Variants in HIVEP1 observed in about 807,000 individuals in gnomAD.
HIVEP1 encodes the protein HIVEP zinc finger 1, also known as zinc finger protein 40.
A neutral mutation model predicts 180.0 loss-of-function variants in HIVEP1; 36 were observed. The observed-to-expected ratio is 0.20, with a 90% CI of 0.15 to 0.26. HIVEP1 has a LOEUF of 0.26. HIVEP1 is among the 10% of genes least tolerant of loss of function. HIVEP1 has a pLI of 1.00. For missense variants in HIVEP1, 3,143 were observed against 3,268.7 expected (o/e 0.96, Z 0.94); for synonymous variants, 1,239 against 1,239.0 (o/e 1.00, Z 0.00).
chr6:12,045,345 G>A (rs1024183496), intron 2 of HIVEP1, among the ~76,000 whole-genome samples: 7 of 152,192 alleles, frequency 4.6e-5, no homozygotes, highest in African/African-American at 9.6e-5. Context: ...CTTCTGATAC[G>A]TTAGATTCAC....
rs1212942298 is a variant in HIVEP1 at position 12,124,879 on chromosome 6, A to T, written c.5084A>T (p.Asn1695Ile). The change falls in exon 4 of 9, where the codon AAT becomes ATT. Residue 1695 changes from asparagine to isoleucine, a missense_variant. By Grantham distance (149) the Asn-to-Ile change is moderately radical. Around this residue, in one of 12 missense-constraint regions of HIVEP1, gnomAD observed 1,357 missense variants for 1,260.5 expected, o/e 1.08. Coordinates refer to ENST00000379388, the MANE Select transcript of HIVEP1 (RefSeq NM_002114.4). The part of the protein sequence containing the change: ...SVPTLQKGHQ[N>I]ALPNPEKEFL... ...CCAACATTACAAAAAGGTCATCAGA[A>T]TGCTTTGCCAAACCCAGAGAAGGAA... 1 of 1,614,218 alleles carries T rather than the reference A, an allele frequency of 6.2e-7. No homozygotes were observed. The highest frequency in any genetic ancestry group is 8.5e-7 in the Non-Finnish European group (1 of 1,180,040).
the HIVEP1 span, among the ~76,000 whole-genome samples, chr6:12,186,682 C>A: frequency 6.6e-6 from 1 of 152,104 alleles, no homozygotes; most frequent in African/African-American, 2.4e-5. Flanking sequence ...AAAATCCAAA[C>A]TCTCAGCAAC....
Position 12,123,705 on chromosome 6 carries a change from A to C in HIVEP1, c.3910A>C (p.Arg1304=). ...TESSFDSTLS[R]SLSRESSLSH... ...ATCGAGCTTTGATTCCACTCTCTCC[A>C]GGAGTCTAAGTAGGGAGAGCAGTTT... is the stretch of plus-strand genomic sequence containing the variant. Residue 1304 remains arginine, a synonymous_variant, in exon 4 of 9, where the codon AGG becomes CGG. Coordinates refer to ENST00000379388, the MANE Select transcript of HIVEP1 (RefSeq NM_002114.4). The C allele has an allele frequency of 6.2e-7, 1 of 1,614,026 alleles. No individual in the cohort carries two copies. The highest frequency in any genetic ancestry group is 8.5e-7 in the Non-Finnish European group (1 of 1,179,892).
intron 2 of HIVEP1, among the ~76,000 whole-genome samples, chr6:12,071,827 G>C (rs950766084): frequency 6.6e-6 from 1 of 152,118 alleles, no homozygotes; most frequent in Admixed American, 6.5e-5. Context: ...TTGGGCTTGA[G>C]GGCATTTTTA....
intron 7 of HIVEP1, among the ~76,000 whole-genome samples, chr6:12,148,625 C>T (rs765621320): frequency 6.6e-6 from 1 of 152,190 alleles, no homozygotes; most frequent in Non-Finnish European, 1.5e-5. Flanking sequence ...TCATGTTACA[C>T]AAACAGACTG....
intron 3 of HIVEP1, among the ~76,000 whole-genome samples, chr6:12,102,533 A>G (rs534223945): frequency 4.7e-4 from 71 of 152,314 alleles, no homozygotes; most frequent in African/African-American, 1.6e-3. Flanking sequence ...AATGACACCA[A>G]GGCTTTCCAG....
chr6:12,144,633 G>T (rs1181735541), intron 7 of HIVEP1, among the ~76,000 whole-genome samples: 1 of 152,070 alleles, frequency 6.6e-6, no homozygotes, highest in Admixed American at 6.5e-5. Flanking sequence ...ATCTGACAAA[G>T]GGCTAATATC....
At chr6:12,160,531 A>G (rs1039557140) in intron 7 of HIVEP1, among the ~76,000 whole-genome samples, 1 of 152,250 alleles carries the variant, frequency 6.6e-6, no homozygotes, top group Non-Finnish European at 1.5e-5. Flanking sequence ...TTGAGCCAGA[A>G]TAAGGACAGC....
chr6:12,167,686 AATAT>A (rs55760302), downstream of HIVEP1, among the ~76,000 whole-genome samples: 5 of 78,070 alleles, frequency 6.4e-5, no homozygotes, highest in East Asian at 2.5e-4. Context: ...ATATGTGTAT[AATAT>A]ATATACATAT....
intron 2 of HIVEP1, among the ~76,000 whole-genome samples, chr6:12,050,074 C>A (rs1000716108): frequency 2.6e-5 from 4 of 152,166 alleles, no homozygotes; most frequent in Admixed American, 1.3e-4. Flanking sequence ...CAGCTTTGTC[C>A]ATGACTCTCT....
downstream of HIVEP1, among the ~76,000 whole-genome samples, chr6:12,167,568 C>T (rs993178974): frequency 5.7e-4 from 1 of 1,768 alleles, no homozygotes; most frequent in Admixed American, 4.1e-3. Context: ...ATATTACATG[C>T]ATGTTATATA....
chr6:12,202,591 C>G, the HIVEP1 span, among the ~76,000 whole-genome samples: 1 of 152,188 alleles, frequency 6.6e-6, no homozygotes, highest in Non-Finnish European at 1.5e-5. Flanking sequence ...ATTACTTTTT[C>G]TCTTCCTGTT....
At chr6:12,078,695 A>T (rs1388033593) in intron 2 of HIVEP1, among the ~76,000 whole-genome samples, 1 of 117,648 alleles carries the variant, frequency 8.5e-6, no homozygotes, top group Non-Finnish European at 2.2e-5. Flanking sequence ...CACACATATA[A>T]ACATATATAT....
chr6:12,031,165 G>C (rs1304323937), intron 2 of HIVEP1, among the ~76,000 whole-genome samples: 1 of 152,150 alleles, frequency 6.6e-6, no homozygotes, highest in Non-Finnish European at 1.5e-5. Context: ...TCTGCCTGTG[G>C]GTCTGTGTGT....
chr6:12,041,659 A>ATTGT lies in HIVEP1; in HGVS notation c.40+26006_40+26009dup, dbSNP rs146050433. Among the ~76,000 whole-genome samples, 3 of 151,946 alleles carry ATTGT rather than the reference A, an allele frequency of 2.0e-5. 1 individual carries two copies. The South Asian group carries it at 6.2e-4, about 32-fold the overall frequency. ...GTTATTTCTTTGATAGAACAAATTA[A>ATTGT]TTGTTTGTTTGTTTGTTTTGTTGAG... On this transcript the variant is annotated intron_variant, in intron 2 of 8. Transcript: ENST00000379388.
chr6:12,088,743 C>T (rs1255065300), intron 2 of HIVEP1, among the ~76,000 whole-genome samples: 2 of 149,040 alleles, frequency 1.3e-5, no homozygotes, highest in Non-Finnish European at 3.0e-5. Flanking sequence ...AGCTCATCCT[C>T]GTCTCTGTTT....
At chr6:12,176,846 T>C in the HIVEP1 span, among the ~76,000 whole-genome samples, 1 of 152,228 alleles carries the variant, frequency 6.6e-6, no homozygotes. Flanking sequence ...ATCCCATTTG[T>C]CAATTTTTGC....
At chr6:12,074,045 C>A (rs1772165910) in intron 2 of HIVEP1, among the ~76,000 whole-genome samples, 1 of 152,140 alleles carries the variant, frequency 6.6e-6, no homozygotes, top group African/African-American at 2.4e-5. Context: ...TTCTTTCTTC[C>A]TTGTGCATTT....
At chr6:12,041,902 G>T (rs977550650) in intron 2 of HIVEP1, among the ~76,000 whole-genome samples, 1 of 151,042 alleles carries the variant, frequency 6.6e-6, no homozygotes, top group Non-Finnish European at 1.5e-5. Context: ...CTTGTGATCC[G>T]CCCGCCTTGG....
Sources: allele counts gnomAD v4.1 joint callset (sites outside exome capture counted in the v4.1 genomes callset), GRCh38; gene constraint gnomAD v4.1.1; regional missense constraint gnomAD v4.1.1; transcripts MANE v1.5; gene names NCBI Gene and HGNC (gene_info 2026-07-23, HGNC 2026-07-21).